Variants in PPP6R2 observed in about 807,000 individuals in gnomAD.
The protein encoded by PPP6R2 is serine/threonine-protein phosphatase 6 regulatory subunit 2.
PPP6R2 carries 62 observed loss-of-function variants against 100.2 expected under a neutral mutation model. The ratio of observed to expected loss-of-function variants is 0.62; its 90% CI spans 0.50 to 0.76. The LOEUF (loss-of-function observed/expected upper bound fraction) is 0.76, where lower values mean the gene tolerates loss of function less well. Among genes scored for constraint, PPP6R2 ranks in the 30% least tolerant of loss-of-function variants. The probability of loss-of-function intolerance (pLI) is 0.00; values close to 1 mark genes in which losing one functional copy is unlikely to be tolerated. For missense variants in PPP6R2, 1,142 were observed against 1,276.3 expected (o/e 0.89, Z 1.60); for synonymous variants, 525 against 514.7 (o/e 1.02, Z -0.27).
chr22:50,431,155 T>G lies in PPP6R2; in HGVS notation c.1126-18T>G, dbSNP rs745332320. On this transcript the variant is annotated intron_variant, in intron 10 of 23. Coordinates refer to ENST00000612753, the MANE Select transcript of PPP6R2 (RefSeq NM_001242898.2). This position sits in a 1 kb window ranked among gnomAD's most constrained non-coding sequence, Gnocchi z 4.8. ...GAAAACCGATCTAAGAACTGTCTTC[T>G]GTCCTCTGTTTACCCAGGACTTGTT... 1 of 1,585,234 alleles carries G rather than the reference T, an allele frequency of 6.3e-7. No individual in the cohort carries two copies. Among genetic ancestry groups the G allele is most frequent in the East Asian group, 2.2e-5 (1 of 44,520 alleles).
chr22:50,392,939 A>G (rs961590929), intron 2 of PPP6R2, among the ~76,000 whole-genome samples: 3 of 152,350 alleles, frequency 2.0e-5, no homozygotes, highest in African/African-American at 7.2e-5. Context: ...TCCATCTACT[A>G]TTACTATAAT....
chr22:50,389,359 A>G (rs1157701951), intron 2 of PPP6R2, among the ~76,000 whole-genome samples: 1 of 152,186 alleles, frequency 6.6e-6, no homozygotes, highest in Non-Finnish European at 1.5e-5. Flanking sequence ...AACCAGGAAG[A>G]TGCTAGCATC....
At chr22:50,416,921 G>A (rs2060623841) in intron 6 of PPP6R2, among the ~76,000 whole-genome samples, 1 of 151,888 alleles carries the variant, frequency 6.6e-6, no homozygotes, top group African/African-American at 2.4e-5. Context: ...ACACCACTGT[G>A]CTCCAGCCTG....
chr22:50,437,021 G>A lies in PPP6R2; in HGVS notation c.1636G>A (p.Asp546Asn). The change falls in exon 15 of 24, where the codon GAC (aspartate) becomes AAC (asparagine). Residue 546 changes from aspartate to asparagine, a missense_variant. By Grantham distance (23) the Asp-to-Asn change is conservative. Transcript: ENST00000612753. ...STHHLHSSSE[D>N]EDIEGAFPNE... is the part of the protein sequence containing the mutation. Reference sequence around the variant, plus strand: ...TCACCACCTTCACTCCTCAAGTGAGGACGAGGACATTGAGGGTGCTTTCCC... The same window carrying A: ...TCACCACCTTCACTCCTCAAGTGAGAACGAGGACATTGAGGGTGCTTTCCC... 6.4e-7 allele frequency: 1 copy of A among 1,562,822 alleles called. No individual in the cohort carries two copies. The highest frequency in any genetic ancestry group is 1.7e-4 in the Middle Eastern group (1 of 5,894).
At chr22:50,354,864 C>A (rs929464561) in intron 1 of PPP6R2, among the ~76,000 whole-genome samples, 4 of 140,824 alleles carry the variant, frequency 2.8e-5, no homozygotes, top group African/African-American at 1.0e-4. Flanking sequence ...GCACCTGGAT[C>A]AGCCTTTTTT....
At chr22:50,387,666 T>C (rs1364637929) in intron 2 of PPP6R2, among the ~76,000 whole-genome samples, 2 of 152,186 alleles carry the variant, frequency 1.3e-5, no homozygotes, top group Non-Finnish European at 2.9e-5. Context: ...CTGATTTCCA[T>C]GGCGTTAATA....
At chr22:50,375,832 ATTTTTTTTTT>A (rs557118142) in intron 2 of PPP6R2, among the ~76,000 whole-genome samples, 3 of 64,556 alleles carry the variant, frequency 4.6e-5, no homozygotes, top group East Asian at 4.7e-4. Context: ...ATCCCTGCAG[ATTTTTTTTTT>A]TTTTTTTTTT....
chr22:50,396,934 G>T (rs935592787), intron 3 of PPP6R2, among the ~76,000 whole-genome samples: 7 of 152,162 alleles, frequency 4.6e-5, no homozygotes, highest in African/African-American at 1.4e-4. Flanking sequence ...CATCACTGTT[G>T]ACAGTCCCCA....
At chr22:50,365,029 T>A (rs28482133) in intron 1 of PPP6R2, among the ~76,000 whole-genome samples, 1 of 151,126 alleles carries the variant, frequency 6.6e-6, no homozygotes, top group Non-Finnish European at 1.5e-5. Context: ...TTCCATGTCT[T>A]TACTTAATCT....
At chr22:50,337,216 T>G in the PPP6R2 span, among the ~76,000 whole-genome samples, 8 of 92,030 alleles carry the variant, frequency 8.7e-5, no homozygotes, top group Non-Finnish European at 1.2e-4. Context: ...ATAGTGTGTG[T>G]GGGGTATGTG....
intron 22 of PPP6R2, 38 bp downstream of exon 22, chr22:50,441,064 A>C: frequency 1.4e-6 from 2 of 1,469,704 alleles, no homozygotes; most frequent in Non-Finnish European, 9.1e-7. Context: ...TGCCGGGTGC[A>C]TAGGGCGTGG....
chr22:50,372,621 C>G (rs1002878067), intron 2 of PPP6R2, among the ~76,000 whole-genome samples: 1 of 152,092 alleles, frequency 6.6e-6, no homozygotes, highest in Non-Finnish European at 1.5e-5. Flanking sequence ...TTTGATCCTC[C>G]TGTGTCTGGT....
intron 1 of PPP6R2, among the ~76,000 whole-genome samples, chr22:50,355,813 G>T (rs1386067791): frequency 6.7e-6 from 1 of 150,014 alleles, no homozygotes; most frequent in Non-Finnish European, 1.5e-5. Context: ...GAGCCACTGC[G>T]CCTGGCACAG....
chr22:50,424,105 G>A (rs1035814659), intron 10 of PPP6R2, among the ~76,000 whole-genome samples: 5 of 152,226 alleles, frequency 3.3e-5, no homozygotes, highest in African/African-American at 7.2e-5. Flanking sequence ...AGGGGCAGGC[G>A]GTGCTGGCAA....
rs572133647 is a variant in PPP6R2 at position 50,444,591 on chromosome 22, G to C, written c.*344G>C. 7 of 300,140 alleles carry C rather than the reference G, an allele frequency of 2.3e-5. No homozygotes were observed. The highest frequency in any genetic ancestry group is 4.3e-5 in the Non-Finnish European group (7 of 164,094). The allele number at this position is 300,140 out of a possible 1,614,324, so 18.6% of individuals were successfully genotyped here. Reference sequence around the variant, plus strand: ...CACCAGGACCTGATGGGCCAGGAAGGGCGTGGACATGGAGGCTGTTTTTAC... The same window carrying C: ...CACCAGGACCTGATGGGCCAGGAAGCGCGTGGACATGGAGGCTGTTTTTAC... On this transcript the variant is annotated 3_prime_UTR_variant, in exon 24 of 24. Transcript: ENST00000612753.
rs569760904 is a variant in PPP6R2 at position 50,444,808 on chromosome 22, G to C, written c.*561G>C. The C allele has an allele frequency of 1.3e-5, 2 of 155,898 alleles. No individual in the cohort carries two copies. Among genetic ancestry groups the C allele is most frequent in the African/African-American group, 4.8e-5 (2 of 41,574 alleles). The allele number at this position is 155,898 out of a possible 1,614,324, so 9.7% of individuals were successfully genotyped here. ...GAGCTGGCACTGAACCAGGCTGCAAGATTTGACTGCCTTAAAAACACAAGG... is the reference window on the plus strand; with the variant it reads ...GAGCTGGCACTGAACCAGGCTGCAACATTTGACTGCCTTAAAAACACAAGG... On this transcript the variant is annotated 3_prime_UTR_variant, in exon 24 of 24. Coordinates refer to ENST00000612753, the MANE Select transcript of PPP6R2 (RefSeq NM_001242898.2).
chr22:50,377,444 A>G lies in PPP6R2; in HGVS notation c.-17+5294A>G, dbSNP rs182847635. Among the ~76,000 whole-genome samples the G allele has an allele frequency of 3.4e-3, 455 of 134,812 alleles. 2 individuals are homozygous for G. The highest frequency in any genetic ancestry group is 8.6e-3 in the Admixed American group (120 of 13,878). The allele number at this position is 134,812 out of a possible 152,430, so 88.4% of individuals were successfully genotyped here. On this transcript the variant is annotated intron_variant, in intron 2 of 23. Transcript: ENST00000612753. ...GGGTGACAGAACAAGACCCTCTCTC[A>G]ATAATAATAATAATAATTCAGTGTG...
intron 1 of PPP6R2, among the ~76,000 whole-genome samples, chr22:50,364,071 AT>A (rs2048292659): frequency 6.6e-6 from 1 of 151,660 alleles, no homozygotes; most frequent in African/African-American, 2.4e-5. Flanking sequence ...GTTTTTTTGT[AT>A]TTTTAGTAGA....
intron 2 of PPP6R2, among the ~76,000 whole-genome samples, chr22:50,376,677 G>T (rs2051637589): frequency 6.6e-6 from 1 of 151,854 alleles, no homozygotes; most frequent in South Asian, 2.1e-4. Flanking sequence ...GCCCACCTCG[G>T]CCTCCTAAAG....
Sources: allele counts gnomAD v4.1 joint callset (sites outside exome capture counted in the v4.1 genomes callset), GRCh38; gene constraint gnomAD v4.1.1; non-coding constraint Gnocchi (gnomAD v3.1); transcripts MANE v1.5; gene names NCBI Gene and HGNC (gene_info 2026-07-23, HGNC 2026-07-21).